The following TRPV4 variants were observed in gnomAD, a reference collection of about 807,000 sequenced individuals.
TRPV4 encodes OSM9-like transient receptor potential channel 4.
A neutral mutation model predicts 84.1 loss-of-function variants in TRPV4; 58 were observed. That is an observed-to-expected ratio of 0.69 (90% CI 0.56 to 0.86). TRPV4 has a LOEUF of 0.86. TRPV4 is among the 40% of genes least tolerant of loss of function. TRPV4 has a pLI of 0.00. For missense variants in TRPV4, 879 were observed against 1,181.1 expected (o/e 0.74, Z 3.75); for synonymous variants, 489 against 500.9 (o/e 0.98, Z 0.32).
intron 14 of TRPV4, among the ~76,000 whole-genome samples, chr12:109,785,802 G>A (rs572959348): frequency 2.0e-5 from 3 of 152,054 alleles, no homozygotes; most frequent in South Asian, 2.1e-4. Flanking sequence ...GGAGGCTGAG[G>A]TGGGAAGATC....
intron 12 of TRPV4, among the ~76,000 whole-genome samples, chr12:109,790,640 G>A (rs1024918909): frequency 6.6e-6 from 1 of 152,084 alleles, no homozygotes; most frequent in South Asian, 2.1e-4. Context: ...CCTGCACTTT[G>A]GGAGGCTGAG....
At chr12:109,803,385 A>G (rs757972966) in intron 3 of TRPV4, among the ~76,000 whole-genome samples, 1 of 152,238 alleles carries the variant, frequency 6.6e-6, no homozygotes, top group African/African-American at 2.4e-5. Context: ...GAGAGGCTTC[A>G]GCCTACAGAT....
chr12:109,792,675 T>A lies in TRPV4; in HGVS notation c.1801A>T (p.Thr601Ser). The change falls in exon 11 of 16, where the codon ACC becomes TCC. Residue 601 changes from threonine (T) to serine (S), a missense_variant. Around this residue, in one of 4 missense-constraint regions of TRPV4, gnomAD observed 9 missense variants for 39.7 expected, o/e 0.23. Coordinates refer to ENST00000261740, the MANE Select transcript of TRPV4 (RefSeq NM_021625.5). ...ACCTTCTGGATCATGATGCTATAGGTCCCCGTCAGCTTCAGCCCACGGGTG... is the reference window on the plus strand; with the variant it reads ...ACCTTCTGGATCATGATGCTATAGGACCCCGTCAGCTTCAGCCCACGGGTG... ...YFTRGLKLTG[T>S]YSIMIQKILF... 6.2e-7 allele frequency: 1 copy of A among 1,613,982 alleles called. No individual in the cohort carries two copies. Among genetic ancestry groups the A allele is most frequent in the South Asian group, 1.1e-5 (1 of 91,044 alleles).
Position 109,794,340 on chromosome 12 carries a change from G to A in TRPV4, c.1480C>T (p.Leu494=). 6.2e-7 allele frequency: 1 copy of A among 1,612,222 alleles called. No homozygotes were observed. Among genetic ancestry groups the A allele is most frequent in the Non-Finnish European group, 8.5e-7 (1 of 1,180,028 alleles). ...CCCCGGGCACTCACTGTGCCCTCCA[G>A]CGGCTGGTAGTAGGCGGTGAGAGTG... ...IFTLTAYYQP[L]EGTPPYPYRT... is the part of the protein sequence containing the mutation. Residue 494 remains leucine (L), a synonymous_variant, in exon 8 of 16, where the codon CTG becomes TTG. Transcript: ENST00000261740.
rs144685716 is a variant in TRPV4, at chr12:109,824,216, C to T, written c.-32+9134G>A. 9.1e-4 allele frequency among the ~76,000 whole-genome samples: 139 copies of T among 151,928 alleles called. 4 individuals carry two copies. The highest frequency in any genetic ancestry group is 9.0e-3 in the Admixed American group (138 of 15,270). The stretch of plus-strand genomic sequence containing the variant: ...CTGACCTCAGGTGATCCGACCGCCT[C>T]GGCCTCTCAAAATGCTGGGATTACA... On this transcript the variant is annotated intron_variant, in intron 1 of 15. Transcript: ENST00000261740.
At position 109,824,789 on chromosome 12, in the gene TRPV4, T is replaced by G. The variant is rs151127675; in HGVS notation, c.-32+8561A>C. 7.4e-3 allele frequency among the ~76,000 whole-genome samples: 1,107 copies of G among 149,656 alleles called. 2 individuals are homozygous for G. The highest frequency in any genetic ancestry group is 0.01 in the Non-Finnish European group (697 of 67,428). On this transcript the variant is annotated intron_variant, in intron 1 of 15. Coordinates refer to ENST00000261740, the MANE Select transcript of TRPV4 (RefSeq NM_021625.5). ...CAAAACCTTAGGCCCGCCTTCTCTCTGGCCTAGCCCCTCTCCTAGAGGATG... is the reference window on the plus strand; with the variant it reads ...CAAAACCTTAGGCCCGCCTTCTCTCGGGCCTAGCCCCTCTCCTAGAGGATG...
chr12:109,831,231 C>T (rs1892401838), intron 1 of TRPV4, among the ~76,000 whole-genome samples: 1 of 152,210 alleles, frequency 6.6e-6, no homozygotes, highest in African/African-American at 2.4e-5. Flanking sequence ...CTGCTAGTGC[C>T]ATTCTCTTTG....
In TRPV4 at chr12:109,800,606, G is replaced by A; in HGVS notation, c.853+12C>T. 6.2e-7 allele frequency: 1 copy of A among 1,614,070 alleles called. No individual in the cohort carries two copies. The highest frequency in any genetic ancestry group is 8.5e-7 in the Non-Finnish European group (1 of 1,180,004). On this transcript the variant is annotated intron_variant, in intron 5 of 15. Transcript: ENST00000261740. ...CCAGCATGCTGTCAGCCCCCACCAGGCCCCTCCTTACCAAAGTAGAAGTAG... is the reference window on the plus strand; with the variant it reads ...CCAGCATGCTGTCAGCCCCCACCAGACCCCTCCTTACCAAAGTAGAAGTAG...
At chr12:109,821,353 G>A (rs1277456210) in intron 1 of TRPV4, among the ~76,000 whole-genome samples, 1 of 152,200 alleles carries the variant, frequency 6.6e-6, no homozygotes, top group Non-Finnish European at 1.5e-5. Flanking sequence ...CCAGGCCTTT[G>A]CCTAGGCTGT....
At chr12:109,817,883 G>C (rs1891929641) in intron 1 of TRPV4, among the ~76,000 whole-genome samples, 1 of 152,176 alleles carries the variant, frequency 6.6e-6, no homozygotes, top group Non-Finnish European at 1.5e-5. Flanking sequence ...TCAAGGCCAG[G>C]GATGGCACTA....
At chr12:109,819,808 C>T (rs1325662775) in intron 1 of TRPV4, among the ~76,000 whole-genome samples, 3 of 152,192 alleles carry the variant, frequency 2.0e-5, no homozygotes, top group Non-Finnish European at 4.4e-5. Context: ...ATGATCTACC[C>T]GCCTCGGCCT....
chr12:109,794,044 C>G (rs377039848), intron 8 of TRPV4, 22 bp from the exon 9 acceptor site: 7 of 1,580,378 alleles, frequency 4.4e-6, no homozygotes, highest in Non-Finnish European at 6.0e-6. Flanking sequence ...CAAGGGCACA[C>G]AGGTCGTCAC....
rs535650399 is a variant in TRPV4, at chr12:109,791,574, CT to C, written c.1891+788del. On this transcript the variant is annotated intron_variant, in intron 12 of 15. Transcript: ENST00000261740. ...CTTGGCTTACTGCAACCTCCACCCC[CT>C]GGGTTCAAGCGATTCTTGTGCCTCA... Among the ~76,000 whole-genome samples, 1,146 of 149,870 alleles carry C rather than the reference CT, an allele frequency of 7.6e-3. 3 individuals are homozygous for C. Among genetic ancestry groups the C allele is most frequent in the Admixed American group, 0.011 (161 of 15,082 alleles).
At chr12:109,808,267 C>T (rs978647511) in intron 3 of TRPV4, 29 bp downstream of exon 3, 25 of 1,613,180 alleles carry the variant, frequency 1.5e-5, no homozygotes, top group African/African-American at 2.7e-5. Context: ...CTGGCTGTCC[C>T]ACTGGCTATG....
intron 1 of TRPV4, among the ~76,000 whole-genome samples, chr12:109,828,361 A>T (rs1276959066): frequency 6.6e-6 from 1 of 152,072 alleles, no homozygotes; most frequent in Non-Finnish European, 1.5e-5. Context: ...AGGGGAAACC[A>T]ATGCTCAGGA....
intron 4 of TRPV4, 81 bp from the exon 5 acceptor site, chr12:109,800,839 G>A (rs1289923434): frequency 1.7e-5 from 22 of 1,287,316 alleles, no homozygotes; most frequent in Non-Finnish European, 2.3e-5. Context: ...GTAGGGTGCA[G>A]GACGTAGAAA....
chr12:109,824,109 G>A (rs1398616784), intron 1 of TRPV4, among the ~76,000 whole-genome samples: 1 of 152,004 alleles, frequency 6.6e-6, no homozygotes, highest in Non-Finnish European at 1.5e-5. Flanking sequence ...GGGATTACAG[G>A]TGCCCACCGC....
chr12:109,810,209 A>G (rs560939468), intron 2 of TRPV4, among the ~76,000 whole-genome samples: 1 of 152,260 alleles, frequency 6.6e-6, no homozygotes, highest in Non-Finnish European at 1.5e-5. Flanking sequence ...ACCATGAGGC[A>G]GGAATGCTCT....
At chr12:109,806,860 CAA>C (rs1181923346) in intron 3 of TRPV4, among the ~76,000 whole-genome samples, 1 of 45,618 alleles carries the variant, frequency 2.2e-5, no homozygotes, top group Admixed American at 2.4e-4. Flanking sequence ...GACCCTATCT[CAA>C]AAAAAAAAAA....
Sources: allele counts gnomAD v4.1 joint callset (sites outside exome capture counted in the v4.1 genomes callset), GRCh38; gene constraint gnomAD v4.1.1; regional missense constraint gnomAD v4.1.1; transcripts MANE v1.5; gene names NCBI Gene and HGNC (gene_info 2026-07-23, HGNC 2026-07-21).